GALNT18: variants seen among roughly 807,000 people sequenced by gnomAD.
The protein encoded by GALNT18 is polypeptide N-acetylgalactosaminyltransferase 18, also known as GalNAc-transferase 18.
In GALNT18, 44 loss-of-function variants were observed where a neutral mutation model predicts 69.5. The observed-to-expected ratio is 0.63, with a 90% CI of 0.50 to 0.81. The LOEUF is 0.81. Ranked by LOEUF, GALNT18 falls within the 40% of genes least tolerant of loss-of-function variation. GALNT18 has a pLI of 0.00. For synonymous variants in GALNT18, 364 were observed against 318.2 expected, an observed-to-expected ratio of 1.14 and a Z score of -1.53; for missense variants, 715 against 810.0, an observed-to-expected ratio of 0.88 and a Z score of 1.42.
intron 5 of GALNT18, among the ~76,000 whole-genome samples, chr11:11,374,399 G>T (rs144835263): frequency 6.6e-6 from 1 of 152,218 alleles, no homozygotes; most frequent in African/African-American, 2.4e-5. Flanking sequence ...AAGGTAAAAA[G>T]ATGCAATTGT....
At position 11,351,969 on chromosome 11, in the gene GALNT18, G is replaced by C. The variant is rs760116416; in HGVS notation, c.1093-10965C>G. ...TTACTGCTGAGCGCCAGTGGCAGCT[G>C]GAACAGGCATCCCAAGGGGGTTGGC... On this transcript the variant is annotated intron_variant, in intron 6 of 10. Coordinates refer to ENST00000227756, the MANE Select transcript of GALNT18 (RefSeq NM_198516.3). 61 of 1,607,112 alleles carry C rather than the reference G, an allele frequency of 3.8e-5. No individual in the cohort carries two copies. The African/African-American group carries it at 7.6e-4, about 20-fold the overall frequency.
At chr11:11,305,010 C>T (rs1849556731) in intron 9 of GALNT18, among the ~76,000 whole-genome samples, 1 of 152,098 alleles carries the variant, frequency 6.6e-6, no homozygotes, top group African/African-American at 2.4e-5. Flanking sequence ...GATAAAGAAA[C>T]CGACACTAGA....
At chr11:11,276,255 G>C (rs1265811920) in intron 10 of GALNT18, among the ~76,000 whole-genome samples, 1 of 152,268 alleles carries the variant, frequency 6.6e-6, no homozygotes, top group East Asian at 1.9e-4. Context: ...CACATCCCTT[G>C]TAAGTTGGAT....
chr11:11,348,745 T>C (rs1343812500), intron 6 of GALNT18, among the ~76,000 whole-genome samples: 1 of 152,234 alleles, frequency 6.6e-6, no homozygotes, highest in Non-Finnish European at 1.5e-5. Flanking sequence ...GAAATTCCCA[T>C]GCCCCTACCA....
At chr11:11,301,680 T>C (rs1040620810) in intron 9 of GALNT18, among the ~76,000 whole-genome samples, 5 of 152,154 alleles carry the variant, frequency 3.3e-5, no homozygotes, top group African/African-American at 1.2e-4. Context: ...CTCAGCTCTT[T>C]GGGGAGAAGT....
At chr11:11,366,372 T>C (rs1285502205) in intron 6 of GALNT18, among the ~76,000 whole-genome samples, 1 of 152,214 alleles carries the variant, frequency 6.6e-6, no homozygotes, top group Non-Finnish European at 1.5e-5. Context: ...TGTGTGGTAG[T>C]ATTTTTATGT....
At chr11:11,440,017 G>A (rs1436493338) in intron 2 of GALNT18, among the ~76,000 whole-genome samples, 2 of 152,180 alleles carry the variant, frequency 1.3e-5, no homozygotes, top group Admixed American at 6.5e-5. Flanking sequence ...AGGAGAAATC[G>A]GCCAGACCTG....
At chr11:11,393,838 C>T (rs558173486) in intron 3 of GALNT18, among the ~76,000 whole-genome samples, 2 of 152,376 alleles carry the variant, frequency 1.3e-5, no homozygotes, top group African/African-American at 4.8e-5. Flanking sequence ...ATGAGATTTA[C>T]TTTAGAAAAC....
At position 11,480,738 on chromosome 11, in the gene GALNT18, C is replaced by A. The variant is rs1393575166; in HGVS notation, c.236-31802G>T. On this transcript the variant is annotated intron_variant, in intron 1 of 10. Coordinates refer to ENST00000227756, the MANE Select transcript of GALNT18 (RefSeq NM_198516.3). The surrounding 1 kb of genome is among the most constrained non-coding windows in gnomAD (Gnocchi z 4.6). ...CAGATGAGTCCCTTCATCCCTGTAT[C>A]AGCACTTCTCACAGCGTGCTCTACA... Among the ~76,000 whole-genome samples, 1 of 152,212 alleles carries A rather than the reference C, an allele frequency of 6.6e-6. No individual in the cohort carries two copies. The highest frequency in any genetic ancestry group is 2.4e-5 in the African/African-American group (1 of 41,450).
At position 11,559,242 on chromosome 11, in the gene GALNT18, C is replaced by G. The variant is rs539117291; in HGVS notation, c.235+62117G>C. Among the ~76,000 whole-genome samples, 124 of 152,292 alleles carry G rather than the reference C, an allele frequency of 8.1e-4. 1 individual carries two copies. The highest frequency in any genetic ancestry group is 2.9e-3 in the African/African-American group (121 of 41,578). On this transcript the variant is annotated intron_variant, in intron 1 of 10. Coordinates refer to ENST00000227756, the MANE Select transcript of GALNT18 (RefSeq NM_198516.3). Reference sequence around the variant, plus strand: ...CAATCCAATAGTCACCTCCAAGAAGCCTCTTCCGACCACCCCCTCCACTGT... The same window carrying G: ...CAATCCAATAGTCACCTCCAAGAAGGCTCTTCCGACCACCCCCTCCACTGT...
At chr11:11,531,642 C>T (rs867805889) in intron 1 of GALNT18, among the ~76,000 whole-genome samples, 34 of 152,288 alleles carry the variant, frequency 2.2e-4, no homozygotes, top group Middle Eastern at 3.4e-3. Flanking sequence ...CACGTCTCCA[C>T]AGGGACTGTA....
chr11:11,453,948 C>A (rs183458077), intron 1 of GALNT18, among the ~76,000 whole-genome samples: 186 of 152,320 alleles, frequency 1.2e-3, no homozygotes, highest in African/African-American at 4.2e-3. Context: ...CTGACTGGAA[C>A]GTGGCTCTGT....
At chr11:11,419,106 G>A (rs1023038365) in intron 3 of GALNT18, among the ~76,000 whole-genome samples, 1 of 152,164 alleles carries the variant, frequency 6.6e-6, no homozygotes, top group Non-Finnish European at 1.5e-5. Context: ...ACATATCTCT[G>A]CACGCAGGCC....
chr11:11,496,244 C>A lies in GALNT18; in HGVS notation c.236-47308G>T, dbSNP rs116221735. Among the ~76,000 whole-genome samples, 837 of 152,330 alleles carry A rather than the reference C, an allele frequency of 5.5e-3. 7 individuals are homozygous for A. Among genetic ancestry groups the A allele is most frequent in the African/African-American group, 0.019 (799 of 41,568 alleles). On this transcript the variant is annotated intron_variant, in intron 1 of 10. Transcript: ENST00000227756. The surrounding 1 kb of genome is among the most constrained non-coding windows in gnomAD (Gnocchi z 4.0). ...TAGAGTTTTGATGATCTGCTGACTT[C>A]ATTTGATTGCAACCCTCTGCCTGAA...
intron 9 of GALNT18, among the ~76,000 whole-genome samples, chr11:11,302,694 T>C (rs1427003425): frequency 6.6e-6 from 1 of 152,204 alleles, no homozygotes; most frequent in Non-Finnish European, 1.5e-5. Context: ...GGAAAGGATA[T>C]GCGCAGGATG....
intron 2 of GALNT18, among the ~76,000 whole-genome samples, chr11:11,445,901 GA>G (rs1855640145): frequency 6.6e-6 from 1 of 152,174 alleles, no homozygotes; most frequent in African/African-American, 2.4e-5. Flanking sequence ...GAAAACTGTA[GA>G]ATTCTGCCCA....
rs1258181773 is a variant in GALNT18, at chr11:11,583,152, T to C, written c.235+38207A>G. Among the ~76,000 whole-genome samples the C allele has an allele frequency of 6.6e-6, 1 of 152,206 alleles. No homozygotes were observed. Among genetic ancestry groups the C allele is most frequent in the East Asian group, 1.9e-4 (1 of 5,198 alleles). On this transcript the variant is annotated intron_variant, in intron 1 of 10. Transcript: ENST00000227756. This position sits in a 1 kb window ranked among gnomAD's most constrained non-coding sequence, Gnocchi z 4.7. ...AGTTACACTCAATTTGTCCCTTTAA[T>C]GAGGTTTTTCCACAGCAGCACAGAA...
At chr11:11,331,221 G>A (rs549741623) in intron 8 of GALNT18, among the ~76,000 whole-genome samples, 1 of 152,334 alleles carries the variant, frequency 6.6e-6, no homozygotes, top group South Asian at 2.1e-4. Flanking sequence ...TTGCAGAGAT[G>A]TGAATTGCAC....
At position 11,470,545 on chromosome 11, in the gene GALNT18, A is replaced by G. The variant is rs1374293413; in HGVS notation, c.236-21609T>C. ...ATTCCTATGCTAGAGGCTTGGGGAT[A>G]GTGATAGGATGACTAATCGCTAGCT... On this transcript the variant is annotated intron_variant, in intron 1 of 10. Coordinates refer to ENST00000227756, the MANE Select transcript of GALNT18 (RefSeq NM_198516.3). The surrounding 1 kb of genome is among the most constrained non-coding windows in gnomAD (Gnocchi z 4.8). Among the ~76,000 whole-genome samples the G allele has an allele frequency of 6.6e-6, 1 of 152,202 alleles. No homozygotes were observed. Among genetic ancestry groups the G allele is most frequent in the Admixed American group, 6.5e-5 (1 of 15,284 alleles).
Sources: gnomAD v4.1 joint callset for allele counts (sites outside exome capture counted in the v4.1 genomes callset) on GRCh38, gnomAD v4.1.1 for gene constraint, Gnocchi (gnomAD v3.1) non-coding constraint, MANE v1.5 for transcripts, NCBI Gene and HGNC (gene_info 2026-07-23, HGNC 2026-07-21) for gene names.